Variants in CSMD1 observed in about 807,000 individuals in gnomAD.
CSMD1 encodes the protein CUB and Sushi multiple domains 1, also known as CUB and sushi domain-containing protein 1.
A neutral mutation model predicts 417.5 loss-of-function variants in CSMD1; 213 were observed. The observed-to-expected ratio is 0.51, with a 90% CI of 0.46 to 0.57. The LOEUF is 0.57. Among genes scored for constraint, CSMD1 ranks in the 20% least tolerant of loss-of-function variants. The probability of loss-of-function intolerance (pLI) is 0.00; values close to 1 mark genes in which losing one functional copy is unlikely to be tolerated. For missense variants in CSMD1, 6,923 were observed against 4,529.7 expected (o/e 1.53, Z -15.17); for synonymous variants, 2,862 against 1,736.8 (o/e 1.65, Z -16.11).
chr8:3,363,868 A>G (rs1809373686), intron 20 of CSMD1, among the ~76,000 whole-genome samples: 1 of 152,220 alleles, frequency 6.6e-6, no homozygotes, highest in Non-Finnish European at 1.5e-5. Context: ...AGCAACTAGT[A>G]GCAGACAATG....
At chr8:4,878,365 G>A (rs966266785) in intron 1 of CSMD1, among the ~76,000 whole-genome samples, 3 of 152,026 alleles carry the variant, frequency 2.0e-5, no homozygotes, top group Non-Finnish European at 4.4e-5. Context: ...TCATTTGATG[G>A]AAGCCTAAAC....
rs543024196 is a variant in CSMD1 at position 4,723,522 on chromosome 8, T to C, written c.86-85964A>G. 9.8e-5 allele frequency among the ~76,000 whole-genome samples: 15 copies of C among 152,292 alleles called. No homozygotes were observed. The South Asian group carries it at 2.9e-3, about 29-fold the overall frequency. On this transcript the variant is annotated intron_variant, in intron 1 of 69. Coordinates refer to ENST00000635120, the MANE Select transcript of CSMD1 (RefSeq NM_033225.6). Reference sequence around the variant, plus strand: ...CATTTTGTATCTTGTAGGATCTGTGTATACCTGTGCATAATAGGAAGAAAT... The same window carrying C: ...CATTTTGTATCTTGTAGGATCTGTGCATACCTGTGCATAATAGGAAGAAAT...
At chr8:4,980,502 A>G (rs1810830159) in intron 1 of CSMD1, among the ~76,000 whole-genome samples, 1 of 152,242 alleles carries the variant, frequency 6.6e-6, no homozygotes, top group South Asian at 2.1e-4. Context: ...AAATGAAAGG[A>G]GAATTCCTTA....
At chr8:3,831,098 T>C (rs1028917208) in intron 5 of CSMD1, among the ~76,000 whole-genome samples, 2 of 152,178 alleles carry the variant, frequency 1.3e-5, no homozygotes, top group Non-Finnish European at 2.9e-5. Context: ...GAGTGTCCAA[T>C]ACCATTCAGA....
At chr8:4,785,166 C>G (rs76378135) in intron 1 of CSMD1, among the ~76,000 whole-genome samples, 2 of 152,256 alleles carry the variant, frequency 1.3e-5, no homozygotes, top group East Asian at 1.9e-4. Flanking sequence ...CATAGCTTTG[C>G]TGAATATGAC....
intron 48 of CSMD1, among the ~76,000 whole-genome samples, chr8:3,088,785 C>A (rs531193587): frequency 1.6e-5 from 2 of 128,082 alleles, no homozygotes; most frequent in East Asian, 2.3e-4. Context: ...TTAGTTTAGA[C>A]AAAGTATGAG....
chr8:3,794,009 C>G (rs1248842467), intron 5 of CSMD1, among the ~76,000 whole-genome samples: 3 of 152,122 alleles, frequency 2.0e-5, no homozygotes, highest in South Asian at 4.1e-4. Flanking sequence ...CCTGCTTATC[C>G]CACGCGTAGA....
At chr8:3,410,067 C>T (rs1278886780) in intron 12 of CSMD1, among the ~76,000 whole-genome samples, 1 of 152,084 alleles carries the variant, frequency 6.6e-6, no homozygotes, top group Non-Finnish European at 1.5e-5. Flanking sequence ...TGAATGTTAA[C>T]ACTCACTTAT....
At chr8:4,147,161 T>TCC (rs962217180) in intron 3 of CSMD1, among the ~76,000 whole-genome samples, 2 of 150,644 alleles carry the variant, frequency 1.3e-5, no homozygotes, top group African/African-American at 4.9e-5. Context: ...TCTTCTACTC[T>TCC]CCCCCCCTGC....
At chr8:4,884,736 T>C (rs1465109109) in intron 1 of CSMD1, among the ~76,000 whole-genome samples, 1 of 152,092 alleles carries the variant, frequency 6.6e-6, no homozygotes, top group East Asian at 1.9e-4. Context: ...AATAGGTCTA[T>C]CCTTAAGTCA....
At chr8:3,597,034 G>C (rs1001706939) in intron 8 of CSMD1, among the ~76,000 whole-genome samples, 2 of 152,172 alleles carry the variant, frequency 1.3e-5, no homozygotes, top group African/African-American at 2.4e-5. Flanking sequence ...GCCACCCAGA[G>C]CCAGGAGCCC....
At chr8:4,206,669 G>C (rs954700852) in intron 3 of CSMD1, among the ~76,000 whole-genome samples, 1 of 152,190 alleles carries the variant, frequency 6.6e-6, no homozygotes, top group African/African-American at 2.4e-5. Context: ...CTTTACAGCA[G>C]CATGATCTAA....
chr8:3,911,263 T>C (rs540626988), intron 5 of CSMD1, among the ~76,000 whole-genome samples: 34 of 152,304 alleles, frequency 2.2e-4, no homozygotes, highest in African/African-American at 6.5e-4. Flanking sequence ...TTAGGTCATT[T>C]TTCTTTTGTT....
rs192322777 is a variant in CSMD1, at chr8:3,863,906, G to A, written c.819-109864C>T. Reference sequence around the variant, plus strand: ...CGTATGATGACTATAAAACTGACACGTATCCTTTAGAAGCTTATGGAAAAA... The same window carrying A: ...CGTATGATGACTATAAAACTGACACATATCCTTTAGAAGCTTATGGAAAAA... On this transcript the variant is annotated intron_variant, in intron 5 of 69. Transcript: ENST00000635120. 6.4e-4 allele frequency among the ~76,000 whole-genome samples: 97 copies of A among 152,116 alleles called. 1 individual carries two copies. The Middle Eastern group carries it at 0.024, about 37-fold the overall frequency.
rs541798253 is a variant in CSMD1 at position 4,748,627 on chromosome 8, T to C, written c.86-111069A>G. Among the ~76,000 whole-genome samples, 5 of 152,338 alleles carry C rather than the reference T, an allele frequency of 3.3e-5. No homozygotes were observed. In the South Asian group the frequency reaches 8.3e-4, roughly 25 times the overall value. Reference sequence around the variant, plus strand: ...TCATAGTGTTTTCATTCTAAATTATTTATTGACTGGAATGTCTCCAGAATT... The same window carrying C: ...TCATAGTGTTTTCATTCTAAATTATCTATTGACTGGAATGTCTCCAGAATT... On this transcript the variant is annotated intron_variant, in intron 1 of 69. Coordinates refer to ENST00000635120, the MANE Select transcript of CSMD1 (RefSeq NM_033225.6).
chr8:4,596,722 A>G (rs192871242), intron 2 of CSMD1, among the ~76,000 whole-genome samples: 17 of 152,276 alleles, frequency 1.1e-4, no homozygotes, highest in Non-Finnish European at 1.6e-4. Context: ...TTTTGAAAGG[A>G]ACAATAAGGA....
chr8:4,932,021 T>C (rs1333120035), intron 1 of CSMD1, among the ~76,000 whole-genome samples: 1 of 152,222 alleles, frequency 6.6e-6, no homozygotes, highest in Non-Finnish European at 1.5e-5. Context: ...ACATAGCTAC[T>C]AATAAATAAA....
intron 68 of CSMD1, among the ~76,000 whole-genome samples, chr8:2,946,491 T>C (rs1201438278): frequency 6.6e-6 from 1 of 152,228 alleles, no homozygotes; most frequent in Non-Finnish European, 1.5e-5. Flanking sequence ...TCATAGACTA[T>C]TTGGCCTTTT....
chr8:4,168,741 G>C (rs1483171299), intron 3 of CSMD1, among the ~76,000 whole-genome samples: 1 of 151,992 alleles, frequency 6.6e-6, no homozygotes, highest in Non-Finnish European at 1.5e-5. Context: ...GACCTCATTG[G>C]CTATTCAAGT....
Sources: gnomAD v4.1 joint callset for allele counts (sites outside exome capture counted in the v4.1 genomes callset) on GRCh38, gnomAD v4.1.1 for gene constraint, MANE v1.5 for transcripts, NCBI Gene and HGNC (gene_info 2026-07-23, HGNC 2026-07-21) for gene names.